PPP1R42: variants seen among roughly 807,000 people sequenced by gnomAD.
The protein encoded by PPP1R42 is protein phosphatase 1 regulatory subunit 42.
PPP1R42 carries 34 observed loss-of-function variants against 31.0 expected under a neutral mutation model. The ratio of observed to expected loss-of-function variants is 1.10; its 90% CI spans 0.83 to 1.46. The LOEUF is 1.46. Ranked by LOEUF, PPP1R42 falls within the 40% of genes most tolerant of loss-of-function variation. The pLI is 0.00. For synonymous variants in PPP1R42, 103 were observed against 109.8 expected (o/e 0.94, Z 0.39); for missense variants, 268 against 303.0 (o/e 0.88, Z 0.86).
chr8:66,987,748 T>C (rs889625198), intron 6 of PPP1R42, among the ~76,000 whole-genome samples: 1 of 152,178 alleles, frequency 6.6e-6, no homozygotes, highest in African/African-American at 2.4e-5. Flanking sequence ...AAACCAAATA[T>C]GTGGATTGTC....
intron 7 of PPP1R42, among the ~76,000 whole-genome samples, chr8:66,974,647 A>G (rs1814621748): frequency 1.3e-5 from 2 of 152,160 alleles, no homozygotes; most frequent in African/African-American, 2.4e-5. Flanking sequence ...GACATTGAGT[A>G]TTTCTTCATA....
At chr8:66,978,260 A>G (rs148127720) in intron 7 of PPP1R42, among the ~76,000 whole-genome samples, 2 of 152,306 alleles carry the variant, frequency 1.3e-5, no homozygotes, top group Non-Finnish European at 2.9e-5. Flanking sequence ...AACTGCTTAT[A>G]AAATCATCAG....
At position 66,983,877 on chromosome 8, in the gene PPP1R42, A is replaced by G. The variant is rs555248338; in HGVS notation, c.671-1697T>C. On this transcript the variant is annotated intron_variant, in intron 6 of 7. Transcript: ENST00000685739. Reference sequence around the variant, plus strand: ...ACCATAAGAAATTGTCAAACATCTTAGTACTTATAACTTTACAATAAAGGT... The same window carrying G: ...ACCATAAGAAATTGTCAAACATCTTGGTACTTATAACTTTACAATAAAGGT... Among the ~76,000 whole-genome samples, 7 of 152,312 alleles carry G rather than the reference A, an allele frequency of 4.6e-5. No individual in the cohort carries two copies. In the South Asian group the frequency reaches 1.4e-3, roughly 32 times the overall value.
rs1000658772 is a variant in PPP1R42, at chr8:66,983,687, C to T, written c.671-1507G>A. Among the ~76,000 whole-genome samples the T allele has an allele frequency of 7.2e-5, 11 of 152,076 alleles. No homozygotes were observed. In the South Asian group the frequency reaches 2.3e-3, roughly 31 times the overall value. On this transcript the variant is annotated intron_variant, in intron 6 of 7. Coordinates refer to ENST00000685739, the MANE Select transcript of PPP1R42 (RefSeq NM_001364910.1). Reference sequence around the variant, plus strand: ...TTAGTTGTACTACTGAAAATATTAACACTACCACTTAAACATGAGCCATAA... The same window carrying T: ...TTAGTTGTACTACTGAAAATATTAATACTACCACTTAAACATGAGCCATAA...
At chr8:66,984,612 C>A (rs1814947763) in intron 6 of PPP1R42, 5 of 1,207,912 alleles carry the variant, frequency 4.1e-6, no homozygotes, top group Non-Finnish European at 6.2e-6. Context: ...ACGTGTACCC[C>A]CTGTGAAATG....
chr8:67,003,091 C>G (rs1390728245), intron 5 of PPP1R42, among the ~76,000 whole-genome samples: 3 of 145,436 alleles, frequency 2.1e-5, no homozygotes, highest in Non-Finnish European at 4.5e-5. Context: ...TTTTGAACCC[C>G]GGAGGCGGAG....
intron 5 of PPP1R42, among the ~76,000 whole-genome samples, chr8:67,008,404 G>A (rs986782136): frequency 3.9e-5 from 6 of 152,076 alleles, no homozygotes; most frequent in African/African-American, 1.4e-4. Flanking sequence ...ATGATATCAA[G>A]TTCAGTCTTT....
chr8:67,018,218 C>G (rs1473914195), intron 1 of PPP1R42, among the ~76,000 whole-genome samples: 1 of 151,444 alleles, frequency 6.6e-6, no homozygotes, highest in African/African-American at 2.4e-5. Context: ...CAGGTTCAAG[C>G]GATTCTCCTG....
Position 67,019,003 on chromosome 8 carries a change from T to G in PPP1R42, c.-84-1172A>C, listed in dbSNP as rs1454317612. On this transcript the variant is annotated intron_variant, in intron 1 of 7. Transcript: ENST00000685739. ...CGCCGCCATGCCCGGCTAATTTTTT[T>G]TTTTTTAATTTTAATGGAGACGGGG... Among the ~76,000 whole-genome samples the G allele has an allele frequency of 9.9e-5, 15 of 150,978 alleles. No individual in the cohort carries two copies. The East Asian group carries it at 2.9e-3, about 30-fold the overall frequency.
intron 3 of PPP1R42, among the ~76,000 whole-genome samples, 193 bp from the exon 4 acceptor site, chr8:67,013,289 C>G (rs1815899044): frequency 6.6e-6 from 1 of 151,786 alleles, no homozygotes; most frequent in East Asian, 1.9e-4. Flanking sequence ...TTAATTTAGT[C>G]TAAAAGTACA....
chr8:67,013,931 G>A (rs1815921520), intron 3 of PPP1R42, among the ~76,000 whole-genome samples: 1 of 152,176 alleles, frequency 6.6e-6, no homozygotes, highest in Non-Finnish European at 1.5e-5. Context: ...AATCTTCATT[G>A]TCTAATTATA....
At chr8:66,977,332 C>G (rs1339545526) in intron 7 of PPP1R42, among the ~76,000 whole-genome samples, 3 of 148,742 alleles carry the variant, frequency 2.0e-5, no homozygotes, top group Non-Finnish European at 3.0e-5. Flanking sequence ...CGCGCCCACC[C>G]TTGCTTTTTT....
chr8:67,021,791 CAT>C (rs1189844387), intron 1 of PPP1R42, among the ~76,000 whole-genome samples: 3 of 152,160 alleles, frequency 2.0e-5, no homozygotes, highest in African/African-American at 4.8e-5. Context: ...CACAATTTTA[CAT>C]GTTATCAATG....
intron 6 of PPP1R42, chr8:66,984,087 A>C: frequency 6.6e-7 from 1 of 1,524,710 alleles, no homozygotes. Context: ...GTGAGAGGAC[A>C]GAAGAGACAA....
intron 7 of PPP1R42, chr8:66,970,857 A>C (rs1585958401): frequency 2.5e-6 from 2 of 801,640 alleles, no homozygotes; most frequent in Non-Finnish European, 4.2e-6. Context: ...ATGTTTGGCC[A>C]AAAAGGATTG....
intron 1 of PPP1R42, among the ~76,000 whole-genome samples, chr8:67,024,456 A>C (rs1428638974): frequency 2.0e-5 from 3 of 149,776 alleles, no homozygotes; most frequent in African/African-American, 7.4e-5. Context: ...CATGCCCTAC[A>C]GGCTCATGCC....
intron 1 of PPP1R42, among the ~76,000 whole-genome samples, chr8:67,020,655 C>T (rs1246248439): frequency 6.6e-6 from 1 of 152,216 alleles, no homozygotes; most frequent in Non-Finnish European, 1.5e-5. Context: ...GTGAAATACT[C>T]ATTATAGAGT....
intron 1 of PPP1R42, among the ~76,000 whole-genome samples, chr8:67,022,071 C>T (rs1816236699): frequency 6.6e-6 from 1 of 152,086 alleles, no homozygotes; most frequent in South Asian, 2.1e-4. Context: ...CTGGGTTGGA[C>T]ATTTCAACTT....
At chr8:66,977,184 C>G (rs549234467) in intron 7 of PPP1R42, among the ~76,000 whole-genome samples, 114 of 151,894 alleles carry the variant, frequency 7.5e-4, no homozygotes, top group Non-Finnish European at 1.3e-3. Context: ...AGGCGTGTGC[C>G]ACCACGCTCA....
Sources: gnomAD v4.1 joint callset for allele counts (sites outside exome capture counted in the v4.1 genomes callset) on GRCh38, gnomAD v4.1.1 for gene constraint, MANE v1.5 for transcripts, NCBI Gene and HGNC (gene_info 2026-07-23, HGNC 2026-07-21) for gene names.